CTPS2: variants seen among roughly 807,000 people sequenced by gnomAD.
The protein encoded by CTPS2 is CTP synthase II.
In CTPS2, 19 loss-of-function variants were observed where a neutral mutation model predicts 46.8. The observed-to-expected ratio is 0.41, with a 90% CI of 0.28 to 0.60. The LOEUF is 0.60. Ranked by LOEUF, CTPS2 falls within the 20% of genes least tolerant of loss-of-function variation. CTPS2 has a pLI of 0.35. For missense variants in CTPS2, 286 were observed against 447.6 expected, an observed-to-expected ratio of 0.64 and a Z score of 3.26; for synonymous variants, 151 against 165.2, an observed-to-expected ratio of 0.91 and a Z score of 0.66.
At chrX:16,620,474 C>T in intron 14 of CTPS2, 142 bp from the exon 15 acceptor site, 1 of 402,955 alleles carries the variant, frequency 2.5e-6, no homozygotes, top group East Asian at 4.0e-5. Context: ...ATATAGTCAT[C>T]TAGATTTTCT....
intron 1 of CTPS2, among the ~76,000 whole-genome samples, chrX:16,706,550 C>G (rs1028018798): frequency 7.8e-4 from 87 of 110,857 alleles, no homozygotes; most frequent in Non-Finnish European, 1.5e-3. Context: ...ATGATGAAAC[C>G]CTGTCTCTAC....
At chrX:16,705,208 T>C (rs148201650) in intron 1 of CTPS2, among the ~76,000 whole-genome samples, 2 of 110,724 alleles carry the variant, frequency 1.8e-5, no homozygotes, top group Non-Finnish European at 3.8e-5. Flanking sequence ...AGAGCGAGAC[T>C]CTGTCTCAAA....
At chrX:16,609,825 C>T in intron 16 of CTPS2, 140 bp from the exon 17 acceptor site, 1 of 601,753 alleles carries the variant, frequency 1.7e-6, no homozygotes, top group Non-Finnish European at 2.4e-6. Context: ...CAGTTACTTT[C>T]ACTATCCATC....
At chrX:16,670,801 A>C in intron 10 of CTPS2, 127 bp from the exon 11 acceptor site, 1 of 428,250 alleles carries the variant, frequency 2.3e-6, no homozygotes, top group Non-Finnish European at 3.9e-6. Flanking sequence ...TTTCAGAACC[A>C]ATTATATGAC....
intron 15 of CTPS2, among the ~76,000 whole-genome samples, chrX:16,619,082 C>T (rs1034850784): frequency 1.8e-5 from 2 of 112,353 alleles, no homozygotes; most frequent in African/African-American, 6.5e-5. Context: ...CAGTTGGGCC[C>T]GTTCCCAATG....
chrX:16,595,994 G>A (rs996525341), intron 17 of CTPS2, among the ~76,000 whole-genome samples: 2 of 111,233 alleles, frequency 1.8e-5, no homozygotes, highest in Admixed American at 9.5e-5. Context: ...TCAGCCTCCC[G>A]AGTAGCTGGG....
At chrX:16,631,657 G>C (rs1931478731) in intron 14 of CTPS2, among the ~76,000 whole-genome samples, 1 of 112,289 alleles carries the variant, frequency 8.9e-6, no homozygotes, top group Non-Finnish European at 1.9e-5. Context: ...AGTTTGGTTT[G>C]GAAACCACAT....
At chrX:16,598,378 C>T (rs1387225545) in intron 17 of CTPS2, among the ~76,000 whole-genome samples, 1 of 111,323 alleles carries the variant, frequency 9.0e-6, no homozygotes, top group Non-Finnish European at 1.9e-5. Context: ...AAGGGGATAT[C>T]ACCACCGATC....
chrX:16,669,980 T>G (rs896240305), intron 11 of CTPS2, among the ~76,000 whole-genome samples: 6 of 110,340 alleles, frequency 5.4e-5, no homozygotes, highest in Non-Finnish European at 9.5e-5. Context: ...TCCCCACACT[T>G]TGGGAGTCTG....
Position 16,654,475 on chromosome X carries a change from A to C in CTPS2, c.1296+13039T>G, listed in dbSNP as rs145104796. 5.5e-5 allele frequency: 65 copies of C among 1,191,512 alleles called. No individual in the cohort carries two copies. In the African/African-American group the frequency reaches 9.9e-4, roughly 18 times the overall value. On this transcript the variant is annotated intron_variant, in intron 13 of 18. Transcript: ENST00000359276. Reference sequence around the variant, plus strand: ...GGAGATGGAGAAGTTAGTTTTGAAGAATTCCAAGTATTAGTAAAAAAGATA... The same window carrying C: ...GGAGATGGAGAAGTTAGTTTTGAAGCATTCCAAGTATTAGTAAAAAAGATA...
chrX:16,709,605 C>CT (rs1218943747), intron 1 of CTPS2, among the ~76,000 whole-genome samples: 1 of 110,829 alleles, frequency 9.0e-6, no homozygotes, highest in Non-Finnish European at 1.9e-5. Context: ...AATCCCAACA[C>CT]TTTGGGAGGC....
chrX:16,682,353 C>T (rs975775830), intron 9 of CTPS2, among the ~76,000 whole-genome samples: 3 of 111,538 alleles, frequency 2.7e-5, no homozygotes, highest in African/African-American at 9.8e-5. Flanking sequence ...GGCATGGTGG[C>T]GGGAGTCTGT....
intron 2 of CTPS2, among the ~76,000 whole-genome samples, chrX:16,700,447 G>A (rs1924470152): frequency 9.5e-6 from 1 of 105,060 alleles, no homozygotes; most frequent in African/African-American, 3.5e-5. Context: ...ACAGAGTTTC[G>A]CCATGTTTGC....
chrX:16,689,961 AGAATC>A (rs989859454), intron 7 of CTPS2, among the ~76,000 whole-genome samples: 2 of 110,258 alleles, frequency 1.8e-5, no homozygotes, highest in African/African-American at 6.6e-5. Context: ...CTGACGCAGG[AGAATC>A]GCTGGAACCC....
At chrX:16,674,726 T>C (rs1922107388) in intron 10 of CTPS2, among the ~76,000 whole-genome samples, 1 of 106,028 alleles carries the variant, frequency 9.4e-6, no homozygotes, top group Non-Finnish European at 1.9e-5. Flanking sequence ...TAGTCCCAGC[T>C]ACTCGGGAGG....
chrX:16,624,636 G>A (rs777709055), intron 14 of CTPS2, among the ~76,000 whole-genome samples: 2 of 112,029 alleles, frequency 1.8e-5, no homozygotes, highest in African/African-American at 6.5e-5. Context: ...TAGGAGTAGA[G>A]TCAGAAACTG....
chrX:16,642,257 T>TAAATGCCAC (rs1233347788), intron 13 of CTPS2, among the ~76,000 whole-genome samples: 1 of 111,764 alleles, frequency 8.9e-6, no homozygotes, highest in African/African-American at 3.3e-5. Context: ...ATCCAAGGTA[T>TAAATGCCAC]AAATGCCACT....
intron 17 of CTPS2, among the ~76,000 whole-genome samples, chrX:16,608,074 A>T (rs1276736191): frequency 1.8e-5 from 2 of 111,083 alleles, no homozygotes; most frequent in Non-Finnish European, 3.8e-5. Context: ...TTAGCCAGGC[A>T]TGGTGGCACA....
chrX:16,595,772 G>A (rs1462199667), intron 17 of CTPS2, among the ~76,000 whole-genome samples: 1 of 112,328 alleles, frequency 8.9e-6, no homozygotes, highest in Non-Finnish European at 1.9e-5. Flanking sequence ...TTCTACCAGC[G>A]TAGAAAGTTA....
Sources: gnomAD v4.1 joint callset for allele counts (sites outside exome capture counted in the v4.1 genomes callset) on GRCh38, gnomAD v4.1.1 for gene constraint, MANE v1.5 for transcripts, NCBI Gene and HGNC (gene_info 2026-07-23, HGNC 2026-07-21) for gene names.